The following DMD variants were observed in gnomAD, a reference collection of about 807,000 sequenced individuals.
DMD encodes dystrophin, also known as mutant dystrophin.
Under a neutral mutation model 330.1 loss-of-function variants are expected in DMD, and 63 were observed. That is an observed-to-expected ratio of 0.19 (90% CI 0.16 to 0.24). The LOEUF (loss-of-function observed/expected upper bound fraction) is 0.24. Among genes scored for constraint, DMD ranks in the 10% least tolerant of loss-of-function variants. The probability of loss-of-function intolerance (pLI) is 1.00; values close to 1 mark genes in which losing one functional copy is unlikely to be tolerated. For missense variants in DMD, 3,344 were observed against 2,684.1 expected, an observed-to-expected ratio of 1.25 and a Z score of -5.43; for synonymous variants, 1,223 against 959.8, an observed-to-expected ratio of 1.27 and a Z score of -5.07.
chrX:31,757,682 G>A (rs1451743403), intron 51 of DMD, among the ~76,000 whole-genome samples: 1 of 110,195 alleles, frequency 9.1e-6, no homozygotes, highest in Non-Finnish European at 1.9e-5. Flanking sequence ...TCTGAAGGCA[G>A]AGCCCGCATG....
rs754162660 is a variant in DMD, at chrX:32,013,093, C to CTTTTT, written c.6439-44584_6439-44580dup. Among the ~76,000 whole-genome samples the CTTTTT allele has an allele frequency of 5.4e-4, 33 of 61,197 alleles. 2 individuals are homozygous for CTTTTT. The highest frequency in any genetic ancestry group is 6.9e-4 in the Non-Finnish European group (26 of 37,864). The allele number at this position is 61,197 out of a possible 115,157, so 53.1% of individuals were successfully genotyped here. ...GGAAATTAATCTTTTCTTTTCTTTCCTTTTTTTTTTTTTGAGATGGAATCT... is the reference window on the plus strand; with the variant it reads ...GGAAATTAATCTTTTCTTTTCTTTCCTTTTTTTTTTTTTTTTTTGAGATGGAATCT... On this transcript the variant is annotated intron_variant, in intron 44 of 78. Transcript: ENST00000357033.
intron 20 of DMD, among the ~76,000 whole-genome samples, chrX:32,490,787 T>C (rs374125809): frequency 8.9e-6 from 1 of 112,022 alleles, no homozygotes; most frequent in African/African-American, 3.2e-5. Flanking sequence ...TTTAAAAATA[T>C]CTTTTTGTAA....
At chrX:31,545,116 G>A (rs763498422) in intron 55 of DMD, among the ~76,000 whole-genome samples, 27 of 111,837 alleles carry the variant, frequency 2.4e-4, no homozygotes, top group Non-Finnish European at 4.1e-4. Context: ...ACCTTCAACT[G>A]GGTTTGTAAA....
At chrX:33,272,173 C>T (rs2053169246) in intron 1 of DMD, among the ~76,000 whole-genome samples, 1 of 112,576 alleles carries the variant, frequency 8.9e-6, no homozygotes, top group Non-Finnish European at 1.9e-5. Flanking sequence ...CGTGAGCCTC[C>T]ATACCCAGCC....
chrX:32,366,543 G>A (rs1338170542), intron 34 of DMD, among the ~76,000 whole-genome samples: 2 of 111,873 alleles, frequency 1.8e-5, no homozygotes, highest in African/African-American at 6.5e-5. Flanking sequence ...AACACACAAG[G>A]AGCAGCTCTG....
At chrX:31,423,472 C>A (rs371621383) in intron 60 of DMD, among the ~76,000 whole-genome samples, 1 of 111,632 alleles carries the variant, frequency 9.0e-6, no homozygotes, top group African/African-American at 3.3e-5. Flanking sequence ...CAAAATCCCT[C>A]GGAGATGCTG....
At chrX:31,351,079 G>C (rs2058380524) in intron 60 of DMD, among the ~76,000 whole-genome samples, 1 of 109,837 alleles carries the variant, frequency 9.1e-6, no homozygotes, top group African/African-American at 3.3e-5. Flanking sequence ...GCAGATAGCA[G>C]GTCATGGGAC....
intron 44 of DMD, among the ~76,000 whole-genome samples, chrX:31,995,873 T>C (rs2095582152): frequency 8.9e-6 from 1 of 112,321 alleles, no homozygotes; most frequent in African/African-American, 3.2e-5. Flanking sequence ...ACCTCGTTTA[T>C]TTGTTAAATG....
Position 33,144,608 on chromosome X carries a change from A to G in DMD, c.31+66674T>C, listed in dbSNP as rs370676543. On this transcript the variant is annotated intron_variant, in intron 1 of 78. Transcript: ENST00000357033. ...AGAAGAAAGAAAAACAAAACATATCACAAAGGATGACGTAGCTTGATTGAT... is the reference window on the plus strand; with the variant it reads ...AGAAGAAAGAAAAACAAAACATATCGCAAAGGATGACGTAGCTTGATTGAT... Among the ~76,000 whole-genome samples the G allele has an allele frequency of 3.6e-4, 40 of 111,831 alleles. 1 individual carries two copies. The South Asian group carries it at 6.0e-3, about 17-fold the overall frequency.
chrX:31,719,162 G>A lies in DMD; in HGVS notation c.7660+10469C>T, dbSNP rs773583797. On this transcript the variant is annotated intron_variant, in intron 52 of 78. Transcript: ENST00000357033. Reference sequence around the variant, plus strand: ...GAGAAAAAAGCTCCTGTTTGTTTTAGCCACTGAAGTAATATAGTTTATTAC... The same window carrying A: ...GAGAAAAAAGCTCCTGTTTGTTTTAACCACTGAAGTAATATAGTTTATTAC... Among the ~76,000 whole-genome samples, 8 of 111,888 alleles carry A rather than the reference G, an allele frequency of 7.2e-5. No homozygotes were observed. The South Asian group carries it at 2.6e-3, about 37-fold the overall frequency.
chrX:32,709,209 G>C (rs2064960218), intron 7 of DMD, among the ~76,000 whole-genome samples: 1 of 111,243 alleles, frequency 9.0e-6, no homozygotes, highest in Non-Finnish European at 1.9e-5. Context: ...TTTCCAATGT[G>C]AAAAAAATGC....
chrX:33,156,291 A>C (rs1733200415), intron 1 of DMD, among the ~76,000 whole-genome samples: 1 of 112,252 alleles, frequency 8.9e-6, no homozygotes, highest in Non-Finnish European at 1.9e-5. Context: ...CTTGCTCTTT[A>C]TTAAAAGGAA....
intron 55 of DMD, among the ~76,000 whole-genome samples, chrX:31,576,008 A>G (rs1469412638): frequency 8.9e-6 from 1 of 112,129 alleles, no homozygotes; most frequent in Non-Finnish European, 1.9e-5. Flanking sequence ...ATATATATTT[A>G]GATATTTTCT....
At chrX:32,727,603 T>A (rs188714261) in intron 7 of DMD, among the ~76,000 whole-genome samples, 98 of 110,675 alleles carry the variant, frequency 8.9e-4, no homozygotes, top group Non-Finnish European at 9.1e-4. Context: ...AATATTTCCT[T>A]AGGAAAATAT....
intron 7 of DMD, among the ~76,000 whole-genome samples, chrX:32,737,795 A>G (rs1215808269): frequency 1.8e-5 from 2 of 111,806 alleles, no homozygotes; most frequent in Non-Finnish European, 3.8e-5. Context: ...TAGTACATGA[A>G]TGAGTAATAA....
chrX:31,129,215 T>C lies in DMD; in HGVS notation c.11015-2542A>G, dbSNP rs773045108. ...GTTGGAATTGCAGGACAGTACTGTT[T>C]CTGGGTGCTTTTAGCCTCTTTTATA... On this transcript the variant is annotated intron_variant, in intron 77 of 78. Transcript: ENST00000357033. 8.0e-5 allele frequency among the ~76,000 whole-genome samples: 9 copies of C among 111,896 alleles called. No homozygotes were observed. The East Asian group carries it at 2.0e-3, about 24-fold the overall frequency.
chrX:31,695,975 A>G (rs1342860162), intron 52 of DMD, among the ~76,000 whole-genome samples: 1 of 111,669 alleles, frequency 9.0e-6, no homozygotes, highest in Admixed American at 9.6e-5. Context: ...TAGATATGCT[A>G]TTAGCCTGAT....
chrX:31,247,925 C>T (rs1216444304), intron 63 of DMD, among the ~76,000 whole-genome samples: 1 of 111,694 alleles, frequency 9.0e-6, no homozygotes. Context: ...GTATCACATT[C>T]TACAGAGAAA....
intron 44 of DMD, among the ~76,000 whole-genome samples, chrX:32,178,832 T>TGG (rs1427981983): frequency 4.3e-5 from 2 of 46,951 alleles, no homozygotes; most frequent in African/African-American, 1.5e-4. Context: ...TTCCAGGGGG[T>TGG]GTGTGTGTGT....
Sources: gnomAD v4.1 joint callset for allele counts (sites outside exome capture counted in the v4.1 genomes callset) on GRCh38, gnomAD v4.1.1 for gene constraint, MANE v1.5 for transcripts, NCBI Gene and HGNC (gene_info 2026-07-23, HGNC 2026-07-21) for gene names.